ABCC12: variants seen among roughly 807,000 people sequenced by gnomAD.
ABCC12 encodes ATP-binding cassette sub-family C member 12.
In ABCC12, 142 loss-of-function variants were observed where a neutral mutation model predicts 151.1. The ratio of observed to expected loss-of-function variants is 0.94; its 90% CI spans 0.82 to 1.08. ABCC12 has a LOEUF of 1.08. Ranked by LOEUF, ABCC12 falls within the 50% of genes least tolerant of loss-of-function variation. The pLI is 0.00. For synonymous variants in ABCC12, 645 were observed against 646.4 expected (o/e 1.00, Z 0.03); for missense variants, 1,638 against 1,691.1 (o/e 0.97, Z 0.55).
chr16:48,137,796 G>A (rs1167207597), intron 8 of ABCC12, among the ~76,000 whole-genome samples: 1 of 152,180 alleles, frequency 6.6e-6, no homozygotes, highest in African/African-American at 2.4e-5. Flanking sequence ...TCTGCCCAAG[G>A]AGTGTTGAGT....
At position 48,128,520 on chromosome 16, in the gene ABCC12, G is replaced by GT. The variant is rs773590907; in HGVS notation, c.1453_1454insA (p.Pro485HisfsTer6). 6.2e-7 allele frequency: 1 copy of GT among 1,614,110 alleles called. No homozygotes were observed. Among genetic ancestry groups the GT allele is most frequent in the Non-Finnish European group, 8.5e-7 (1 of 1,180,050 alleles). ...TTTGAGGCTGTCACTTTGCTCCTCTGGGCCAGTGGCTCCCTTGGCTGGTGG... is the reference window on the plus strand; with the variant it reads ...TTTGAGGCTGTCACTTTGCTCCTCTGTGGCCAGTGGCTCCCTTGGCTGGTGG... On this transcript the variant is annotated frameshift_variant, in exon 11 of 31. Transcript: ENST00000311303. LOFTEE classifies it high-confidence loss of function.
rs894660769 is a variant in ABCC12, at chr16:48,083,658, C to T, written c.*57G>A. ...AGAGGACAGCCCCTCCTCCTGAAGA[C>T]TCCTCCTATTCATCTCACAGAGCCT... On this transcript the variant is annotated 3_prime_UTR_variant, in exon 31 of 31. Transcript: ENST00000311303. 3 of 1,565,264 alleles carry T rather than the reference C, an allele frequency of 1.9e-6. No individual in the cohort carries two copies. The Admixed American group carries it at 5.2e-5, about 27-fold the overall frequency.
At chr16:48,133,414 T>A (rs1964496975) in intron 9 of ABCC12, among the ~76,000 whole-genome samples, 1 of 151,612 alleles carries the variant, frequency 6.6e-6, no homozygotes, top group African/African-American at 2.4e-5. Context: ...TAATCCCAGC[T>A]ACTCAGGAGG....
intron 7 of ABCC12, 88 bp from the exon 8 acceptor site, chr16:48,138,463 G>C: frequency 6.8e-7 from 1 of 1,461,522 alleles, no homozygotes; most frequent in Non-Finnish European, 9.3e-7. Flanking sequence ...GTAAGTGCCA[G>C]AAAAAGTTCT....
At chr16:48,105,018 G>T in intron 21 of ABCC12, 121 bp downstream of exon 21, 1 of 1,129,606 alleles carries the variant, frequency 8.9e-7, no homozygotes, top group Non-Finnish European at 1.3e-6. Flanking sequence ...AGACTAGACT[G>T]CAAGCTCTAT....
At position 48,096,989 on chromosome 16, in the gene ABCC12, T is replaced by A. The variant is rs1963122908; in HGVS notation, c.3039-87A>T. The A allele has an allele frequency of 9.1e-6, 14 of 1,532,712 alleles. No individual in the cohort carries two copies. The South Asian group carries it at 1.2e-4, about 14-fold the overall frequency. The allele number at this position is 1,532,712 out of a possible 1,614,324, so 94.9% of individuals were successfully genotyped here. A position where few individuals can be genotyped will look rare whatever the true frequency, so the allele number is the denominator to read the frequency against. On this transcript the variant is annotated intron_variant, in intron 23 of 30. Coordinates refer to ENST00000311303, the MANE Select transcript of ABCC12 (RefSeq NM_001393797.1). ...ATCAGGTTGTGCTGTAGACTTAAGG[T>A]TAGGGTGACTGGAGAAATGAGGCCA...
At chr16:48,105,464 G>T in intron 20 of ABCC12, 128 bp from the exon 21 acceptor site, 1 of 943,006 alleles carries the variant, frequency 1.1e-6, no homozygotes, top group Non-Finnish European at 1.6e-6. Context: ...AATGAGTCAG[G>T]TGGATACAAT....
chr16:48,090,897 G>T (rs1283681342), intron 25 of ABCC12, among the ~76,000 whole-genome samples: 1 of 152,122 alleles, frequency 6.6e-6, no homozygotes, highest in African/African-American at 2.4e-5. Flanking sequence ...TTTTAGTGGA[G>T]ACAGGGTTTC....
intron 11 of ABCC12, among the ~76,000 whole-genome samples, 190 bp downstream of exon 11, chr16:48,128,269 C>T (rs1386027317): frequency 6.6e-6 from 1 of 152,234 alleles, no homozygotes; most frequent in Non-Finnish European, 1.5e-5. Flanking sequence ...GTCTTCTCCA[C>T]ACTTGGAGAG....
chr16:48,138,300 T>A lies in ABCC12; in HGVS notation c.907A>T (p.Asn303Tyr). Residue 303 changes from asparagine (N) to tyrosine (Y), a missense_variant, in exon 8 of 31, where the codon AAT becomes TAT. By Grantham distance (143) the Asn-to-Tyr change is moderately radical. Coordinates refer to ENST00000311303, the MANE Select transcript of ABCC12 (RefSeq NM_001393797.1). ...AGCCTGATGCAGGTCAGAAACTCATTCATTGTCTGAACTCGCTTGTCTGTC... is the reference window on the plus strand; with the variant it reads ...AGCCTGATGCAGGTCAGAAACTCATACATTGTCTGAACTCGCTTGTCTGTC... ...LVTDKRVQTMNEFLTCIRLIK... is the reference protein window; with the variant it reads ...LVTDKRVQTMYEFLTCIRLIK... The A allele has an allele frequency of 6.2e-7, 1 of 1,614,078 alleles. No individual in the cohort carries two copies. Among genetic ancestry groups the A allele is most frequent in the Middle Eastern group, 1.7e-4 (1 of 6,060 alleles).
intron 24 of ABCC12, among the ~76,000 whole-genome samples, chr16:48,091,902 A>C (rs1308407934): frequency 6.6e-6 from 1 of 152,190 alleles, no homozygotes; most frequent in African/African-American, 2.4e-5. Context: ...GTTAGCAAGG[A>C]TCTTGATATC....
intron 2 of ABCC12, among the ~76,000 whole-genome samples, chr16:48,149,758 CAGA>C (rs910022591): frequency 6.6e-6 from 1 of 152,128 alleles, no homozygotes; most frequent in African/African-American, 2.4e-5. Context: ...ACATTAATAA[CAGA>C]AGGACAAACA....
intron 7 of ABCC12, 83 bp from the exon 8 acceptor site, chr16:48,138,458 T>C (rs1340835247): frequency 8.1e-6 from 12 of 1,484,010 alleles, no homozygotes; most frequent in Non-Finnish European, 1.0e-5. Context: ...GGAGTGTAAG[T>C]GCCAGAAAAA....
At chr16:48,107,040 A>G (rs911507079) in intron 20 of ABCC12, among the ~76,000 whole-genome samples, 8 of 152,174 alleles carry the variant, frequency 5.3e-5, no homozygotes, top group African/African-American at 9.7e-5. Flanking sequence ...AACTGACCCA[A>G]TCTTGTACGT....
chr16:48,154,362 G>GAT (rs1433336529), intron 1 of ABCC12, among the ~76,000 whole-genome samples: 2 of 151,918 alleles, frequency 1.3e-5, no homozygotes, highest in Non-Finnish European at 2.9e-5. Context: ...AAAATGAGGA[G>GAT]ATACCACATT....
At chr16:48,143,316 G>T (rs935311203) in intron 4 of ABCC12, among the ~76,000 whole-genome samples, 1 of 152,136 alleles carries the variant, frequency 6.6e-6, no homozygotes, top group Non-Finnish European at 1.5e-5. Flanking sequence ...TCTTCAATGA[G>T]TCCTCTCTCC....
intron 2 of ABCC12, among the ~76,000 whole-genome samples, chr16:48,152,020 GC>G (rs1274056178): frequency 6.6e-6 from 1 of 152,198 alleles, no homozygotes; most frequent in African/African-American, 2.4e-5. Flanking sequence ...GTGTCATGGG[GC>G]TCTATGCACC....
intron 24 of ABCC12, 59 bp from the exon 25 acceptor site, chr16:48,091,268 C>T: frequency 6.7e-7 from 1 of 1,495,212 alleles, no homozygotes; most frequent in Non-Finnish European, 9.3e-7. Flanking sequence ...GGTTCTGCAG[C>T]TCCCCGTTCA....
intron 9 of ABCC12, among the ~76,000 whole-genome samples, chr16:48,132,666 T>C (rs908037681): frequency 1.3e-5 from 2 of 152,240 alleles, no homozygotes; most frequent in Non-Finnish European, 2.9e-5. Context: ...AGGCCCCTTG[T>C]AAAGAACTTG....
Sources: allele counts gnomAD v4.1 joint callset (sites outside exome capture counted in the v4.1 genomes callset), GRCh38; gene constraint gnomAD v4.1.1; transcripts MANE v1.5; gene names NCBI Gene and HGNC (gene_info 2026-07-23, HGNC 2026-07-21).